The following TBC1D15 variants were observed in gnomAD, a reference collection of about 807,000 sequenced individuals.
TBC1D15 encodes TBC1 domain family member 15, also known as GAP for RAB7.
In TBC1D15, 39 loss-of-function variants were observed where a neutral mutation model predicts 95.4. The observed-to-expected ratio is 0.41, with a 90% CI of 0.32 to 0.53. The LOEUF (loss-of-function observed/expected upper bound fraction) is 0.53, where lower values mean the gene tolerates loss of function less well. Ranked by LOEUF, TBC1D15 falls within the 20% of genes least tolerant of loss-of-function variation. TBC1D15 has a pLI of 0.29. For missense variants in TBC1D15, 733 were observed against 794.3 expected (o/e 0.92, Z 0.93); for synonymous variants, 258 against 261.3 (o/e 0.99, Z 0.12).
chr12:71,906,998 A>G (rs201272654), intron 10 of TBC1D15, 24 bp from the exon 11 acceptor site: 1 of 1,469,638 alleles, frequency 6.8e-7, no homozygotes, highest in East Asian at 2.3e-5. Flanking sequence ...AGCTTTTCAA[A>G]TATGTGATGA....
At position 71,880,621 on chromosome 12, in the gene TBC1D15, C is replaced by T. The variant is rs750704089; in HGVS notation, c.343+14C>T. 19 of 1,589,956 alleles carry T rather than the reference C, an allele frequency of 1.2e-5. No homozygotes were observed. The highest frequency in any genetic ancestry group is 3.7e-5 in the Admixed American group (2 of 54,136). The stretch of plus-strand genomic sequence containing the variant: ...ATACCAATGGAGGTATGAATTAAAT[C>T]TTTTGAAATCTTAAACTGATTTGCT... On this transcript the variant is annotated intron_variant, in intron 4 of 16. Coordinates refer to ENST00000485960, the MANE Select transcript of TBC1D15 (RefSeq NM_001146213.3).
intron 1 of TBC1D15, chr12:71,849,856 T>G: frequency 1.8e-6 from 1 of 568,098 alleles, no homozygotes; most frequent in Non-Finnish European, 3.4e-6. Flanking sequence ...ATGTGGAGTT[T>G]GCTTCTGTCT....
At chr12:71,862,995 G>C (rs1385838917) in intron 1 of TBC1D15, among the ~76,000 whole-genome samples, 1 of 152,148 alleles carries the variant, frequency 6.6e-6, no homozygotes. Flanking sequence ...AGCTTTGCTA[G>C]ATATAGTATT....
chr12:71,896,034 A>T lies in TBC1D15; in HGVS notation c.943A>T (p.Ile315Phe), dbSNP rs752680186. Reference sequence around the variant, plus strand: ...TAAGAACATTGATTCTGAAGGAAGAATTTTAAATGTAGATAATATGAAGCA... The same window carrying T: ...TAAGAACATTGATTCTGAAGGAAGATTTTTAAATGTAGATAATATGAAGCA... ...WTKNIDSEGR[I>F]LNVDNMKQMI... The change falls in exon 8 of 17, where the codon ATT (isoleucine) becomes TTT (phenylalanine). Residue 315 changes from isoleucine to phenylalanine, a missense_variant. Coordinates refer to ENST00000485960, the MANE Select transcript of TBC1D15 (RefSeq NM_001146213.3). 3 of 1,612,126 alleles carry T rather than the reference A, an allele frequency of 1.9e-6. No homozygotes were observed. The highest frequency in any genetic ancestry group is 3.3e-5 in the Admixed American group (2 of 59,936).
At chr12:71,843,675 G>T (rs925282471) in intron 1 of TBC1D15, among the ~76,000 whole-genome samples, 8 of 152,098 alleles carry the variant, frequency 5.3e-5, no homozygotes, top group Non-Finnish European at 1.2e-4. Flanking sequence ...TTTTGGGACA[G>T]TCTTGCTCTG....
At chr12:71,845,263 T>C (rs1231354202) in intron 1 of TBC1D15, among the ~76,000 whole-genome samples, 1 of 152,164 alleles carries the variant, frequency 6.6e-6, no homozygotes, top group Admixed American at 6.5e-5. Flanking sequence ...ATGGACATTT[T>C]GTAAAGGTTA....
Position 71,923,455 on chromosome 12 carries a change from G to A in TBC1D15, c.*251G>A. ...ATAGCCAAGTACATTTTATTTTCTT[G>A]CTGATGAACTGGAATTGGATAAATA... On this transcript the variant is annotated 3_prime_UTR_variant, in exon 17 of 17. Transcript: ENST00000485960. 1 of 378,480 alleles carries A rather than the reference G, an allele frequency of 2.6e-6. No individual in the cohort carries two copies. Among genetic ancestry groups the A allele is most frequent in the Non-Finnish European group, 4.8e-6 (1 of 209,834 alleles). The allele number at this position is 378,480 out of a possible 1,614,324, so 23.4% of individuals were successfully genotyped here. A position where few individuals can be genotyped will look rare whatever the true frequency, so the allele number is the denominator to read the frequency against.
At chr12:71,868,809 G>A (rs552481238) in intron 1 of TBC1D15, 1 of 152,274 alleles carries the variant, frequency 6.6e-6, no homozygotes, top group South Asian at 2.1e-4. Context: ...GTTAATGATA[G>A]CAAGCTTTTC....
chr12:71,877,527 C>CCTTT (rs1894184658), intron 3 of TBC1D15, among the ~76,000 whole-genome samples: 1 of 130,370 alleles, frequency 7.7e-6, no homozygotes, highest in African/African-American at 3.7e-5. Context: ...TTCCTTCCTT[C>CCTTT]CTTCCTTCCT....
intron 10 of TBC1D15, among the ~76,000 whole-genome samples, chr12:71,899,300 C>G (rs1160630720): frequency 6.6e-6 from 1 of 152,118 alleles, no homozygotes; most frequent in Non-Finnish European, 1.5e-5. Context: ...ATACTGTAGC[C>G]TACTTTGTTC....
rs1054648927 is a variant in TBC1D15, at chr12:71,893,321, A to G, written c.654A>G (p.Ile218Met). 1.1e-5 allele frequency: 17 copies of G among 1,603,746 alleles called. No homozygotes were observed. The highest frequency in any genetic ancestry group is 1.4e-5 in the Non-Finnish European group (16 of 1,172,846). Residue 218 changes from isoleucine (I) to methionine (M), a missense_variant, in exon 6 of 17, where the codon ATA becomes ATG. Transcript: ENST00000485960. ...TTGATGAGCCAGCATATGGTTTAATACAAGTATGTTCCTTAAATCTATCCT... is the reference window on the plus strand; with the variant it reads ...TTGATGAGCCAGCATATGGTTTAATGCAAGTATGTTCCTTAAATCTATCCT... Reference protein sequence around the residue: ...NLLDEPAYGLIQKIKKDPYTA... With the variant: ...NLLDEPAYGLMQKIKKDPYTA...
chr12:71,867,624 A>C (rs1891765994), intron 1 of TBC1D15, among the ~76,000 whole-genome samples: 1 of 152,236 alleles, frequency 6.6e-6, no homozygotes, highest in African/African-American at 2.4e-5. Flanking sequence ...AAATACCTGA[A>C]ATCCACAAAG....
chr12:71,855,434 G>C lies in TBC1D15; in HGVS notation c.30+15623G>C, dbSNP rs532832716. On this transcript the variant is annotated intron_variant, in intron 1 of 16. Transcript: ENST00000485960. ...AAGGCAAACTTGTAATCACAGCTTAGGTTAAAAAATAGACCTTTGCCAGGA... is the reference window on the plus strand; with the variant it reads ...AAGGCAAACTTGTAATCACAGCTTACGTTAAAAAATAGACCTTTGCCAGGA... 3.9e-5 allele frequency among the ~76,000 whole-genome samples: 6 copies of C among 152,068 alleles called. No homozygotes were observed. The South Asian group carries it at 1.2e-3, about 32-fold the overall frequency.
chr12:71,893,368 T>G, intron 6 of TBC1D15, 44 bp downstream of exon 6: 1 of 1,404,062 alleles, frequency 7.1e-7, no homozygotes, highest in Non-Finnish European at 1.0e-6. Context: ...ACTGCATTAT[T>G]TTATATACCC....
chr12:71,918,987 T>G (rs375680088), intron 14 of TBC1D15, among the ~76,000 whole-genome samples: 7 of 152,190 alleles, frequency 4.6e-5, no homozygotes, highest in African/African-American at 1.7e-4. Flanking sequence ...GTTTGTTACA[T>G]AGGTAAATTG....
chr12:71,842,081 T>C (rs1453072981), intron 1 of TBC1D15, among the ~76,000 whole-genome samples: 1 of 152,212 alleles, frequency 6.6e-6, no homozygotes, highest in Non-Finnish European at 1.5e-5. Flanking sequence ...GTGATACTTT[T>C]TAATAAAAGT....
At chr12:71,894,580 C>G (rs1184956369) in intron 6 of TBC1D15, 106 bp from the exon 7 acceptor site, 1 of 1,148,896 alleles carries the variant, frequency 8.7e-7, no homozygotes, top group Non-Finnish European at 1.2e-6. Flanking sequence ...CTGTTTTAGT[C>G]CTGATTTCTT....
At chr12:71,863,380 AAAAAAG>A (rs1489831336) in intron 1 of TBC1D15, among the ~76,000 whole-genome samples, 3 of 151,098 alleles carry the variant, frequency 2.0e-5, no homozygotes, top group African/African-American at 7.4e-5. Context: ...TCTGTCTCAA[AAAAAAG>A]AAAAGAAAAG....
chr12:71,896,662 G>A lies in TBC1D15; in HGVS notation c.985-15G>A, dbSNP rs1391289535. The stretch of plus-strand genomic sequence containing the variant: ...TCTTTTTCATTCATGTATTTAATAT[G>A]TATGCTTTCTTCAGGGACTTAGTCA... On this transcript the variant is annotated splice_polypyrimidine_tract_variant and intron_variant, in intron 8 of 16. Coordinates refer to ENST00000485960, the MANE Select transcript of TBC1D15 (RefSeq NM_001146213.3). 1 of 1,596,746 alleles carries A rather than the reference G, an allele frequency of 6.3e-7. No individual in the cohort carries two copies. Among genetic ancestry groups the A allele is most frequent in the Non-Finnish European group, 8.5e-7 (1 of 1,170,336 alleles).
Sources: allele counts gnomAD v4.1 joint callset (sites outside exome capture counted in the v4.1 genomes callset), GRCh38; gene constraint gnomAD v4.1.1; transcripts MANE v1.5; gene names NCBI Gene and HGNC (gene_info 2026-07-23, HGNC 2026-07-21).